Variants in NBEA observed in about 807,000 individuals in gnomAD.
NBEA encodes lysosomal-trafficking regulator 2.
NBEA carries 44 observed loss-of-function variants against 343.4 expected under a neutral mutation model. The ratio of observed to expected loss-of-function variants is 0.13; its 90% CI spans 0.10 to 0.16. The LOEUF is 0.16. Ranked by LOEUF, NBEA falls within the 10% of genes least tolerant of loss-of-function variation. NBEA has a pLI of 1.00. For synonymous variants in NBEA, 1,175 were observed against 1,238.7 expected (o/e 0.95, Z 1.08); for missense variants, 2,555 against 3,631.3 (o/e 0.70, Z 7.62).
At chr13:35,642,607 G>GAAT in intron 49 of NBEA, among the ~76,000 whole-genome samples, 1 of 152,282 alleles carries the variant, frequency 6.6e-6, no homozygotes, top group East Asian at 1.9e-4. Context: ...ACCAGACAGG[G>GAAT]AATAGATGAG....
intron 33 of NBEA, among the ~76,000 whole-genome samples, chr13:35,232,119 T>G (rs2075008516): frequency 6.6e-6 from 1 of 152,154 alleles, no homozygotes. Context: ...AATTAAATTA[T>G]TTGTAACTGG....
intron 31 of NBEA, among the ~76,000 whole-genome samples, chr13:35,206,686 C>T (rs1050065191): frequency 6.6e-6 from 1 of 152,006 alleles, no homozygotes; most frequent in Non-Finnish European, 1.5e-5. Flanking sequence ...TTATAATACA[C>T]TTCATAATTG....
In NBEA at chr13:35,110,978, G is replaced by C. The variant is rs764055449; in HGVS notation, c.2002G>C (p.Asp668His). 8 of 1,600,558 alleles carry C rather than the reference G, an allele frequency of 5.0e-6. No individual in the cohort carries two copies. The African/African-American group carries it at 1.1e-4, about 21-fold the overall frequency. ...DSSGITPKGL[D>H]GPRPSQKEII... ...TAGTGGCATTACACCTAAAGGATTA[G>C]GTATGTATACCACTTCCACTGTATT... The change falls in exon 13 of 59, where the codon GAT becomes CAT. Residue 668 changes from aspartate to histidine, a missense_variant and splice_region_variant. This residue lies in a region of NBEA where 360 missense variants were observed against 519.1 expected (regional missense o/e 0.69). Transcript: ENST00000379939.
chr13:35,389,970 A>AGTGTGT (rs10523765), intron 38 of NBEA, among the ~76,000 whole-genome samples: 5,347 of 137,964 alleles, frequency 0.039, 127 homozygotes, highest in African/African-American at 0.053. Context: ...TCTTTTGTAG[A>AGTGTGT]GTGTGTGTGT....
At chr13:35,313,647 A>T (rs565942714) in intron 36 of NBEA, among the ~76,000 whole-genome samples, 1 of 135,722 alleles carries the variant, frequency 7.4e-6, no homozygotes, top group African/African-American at 2.7e-5. Context: ...ATCCTACCCT[A>T]TTAGAGTTTA....
chr13:35,308,472 A>ATATATATATATG (rs1566597095), intron 35 of NBEA, among the ~76,000 whole-genome samples: 1 of 98,460 alleles, frequency 1.0e-5, no homozygotes, highest in African/African-American at 4.3e-5. Context: ...ATATATATAT[A>ATATATATATATG]TGTATATATA....
intron 41 of NBEA, among the ~76,000 whole-genome samples, chr13:35,543,306 G>A (rs1020192818): frequency 1.3e-5 from 2 of 152,124 alleles, no homozygotes; most frequent in East Asian, 3.9e-4. Flanking sequence ...TTTTATAGAG[G>A]TGTTGAAAAA....
chr13:35,308,438 CTATATATATATA>C (rs5802761), intron 35 of NBEA, among the ~76,000 whole-genome samples: 39 of 88,970 alleles, frequency 4.4e-4, no homozygotes, highest in South Asian at 1.1e-3. Context: ...CTGCTATTTA[CTATATATATATA>C]TATATATATA....
chr13:35,107,753 C>G (rs2065986859), intron 11 of NBEA, among the ~76,000 whole-genome samples: 1 of 151,832 alleles, frequency 6.6e-6, no homozygotes, highest in Non-Finnish European at 1.5e-5. Flanking sequence ...TTCTAAATGA[C>G]TAAAAGTCTT....
At chr13:35,451,352 G>C (rs1409661533) in intron 39 of NBEA, among the ~76,000 whole-genome samples, 2 of 152,148 alleles carry the variant, frequency 1.3e-5, no homozygotes, top group African/African-American at 4.8e-5. Context: ...CTCATCTCCT[G>C]ACCTCGTGAT....
At chr13:34,980,275 T>C (rs1366191895) in intron 1 of NBEA, among the ~76,000 whole-genome samples, 1 of 151,904 alleles carries the variant, frequency 6.6e-6, no homozygotes, top group Admixed American at 6.6e-5. Flanking sequence ...GTTGAATACA[T>C]AGTTTAATGA....
chr13:35,243,418 A>T (rs1040121088), intron 34 of NBEA, among the ~76,000 whole-genome samples: 2 of 151,866 alleles, frequency 1.3e-5, no homozygotes, highest in African/African-American at 4.8e-5. Context: ...TCTTTCAGTA[A>T]TTATTCAGGA....
chr13:35,590,122 G>A (rs1452907515), intron 46 of NBEA, among the ~76,000 whole-genome samples: 1 of 152,038 alleles, frequency 6.6e-6, no homozygotes, highest in Non-Finnish European at 1.5e-5. Flanking sequence ...GTTTTTTAAG[G>A]TTAATATAGC....
intron 31 of NBEA, among the ~76,000 whole-genome samples, chr13:35,197,487 G>C (rs1403513835): frequency 6.6e-6 from 1 of 151,880 alleles, no homozygotes; most frequent in Admixed American, 6.6e-5. Context: ...AGAGGATGTG[G>C]CGGTATAGTC....
chr13:35,005,996 A>G (rs1295046695), intron 1 of NBEA, among the ~76,000 whole-genome samples: 2 of 152,094 alleles, frequency 1.3e-5, no homozygotes, highest in Non-Finnish European at 2.9e-5. Context: ...TTCATTTCTT[A>G]TAAGCTGCAT....
At chr13:35,609,990 A>G (rs1351782672) in intron 48 of NBEA, among the ~76,000 whole-genome samples, 1 of 152,172 alleles carries the variant, frequency 6.6e-6, no homozygotes, top group Non-Finnish European at 1.5e-5. Flanking sequence ...GATGCTTCCA[A>G]ATGCAGACAT....
At chr13:35,098,524 C>T in intron 11 of NBEA, 119 bp downstream of exon 11, 2 of 599,722 alleles carry the variant, frequency 3.3e-6, no homozygotes, top group Non-Finnish European at 5.6e-6. Flanking sequence ...ATACTATTTG[C>T]TAATTCACAA....
At chr13:35,612,267 G>A (rs935382846) in intron 48 of NBEA, among the ~76,000 whole-genome samples, 17 of 151,982 alleles carry the variant, frequency 1.1e-4, no homozygotes, top group African/African-American at 4.1e-4. Context: ...TGAGTAGCTG[G>A]GACTACAGGC....
intron 58 of NBEA, among the ~76,000 whole-genome samples, chr13:35,669,353 T>C (rs2085499198): frequency 6.6e-6 from 1 of 152,342 alleles, no homozygotes; most frequent in Non-Finnish European, 1.5e-5. Flanking sequence ...TCAACGTTTT[T>C]CCCAACTACA....
Sources: allele counts gnomAD v4.1 joint callset (sites outside exome capture counted in the v4.1 genomes callset), GRCh38; gene constraint gnomAD v4.1.1; regional missense constraint gnomAD v4.1.1; transcripts MANE v1.5; gene names NCBI Gene and HGNC (gene_info 2026-07-23, HGNC 2026-07-21).